Variants in MYT1L observed in about 807,000 individuals in gnomAD.
MYT1L encodes the protein myelin transcription factor 1 like.
Under a neutral mutation model 126.7 loss-of-function variants are expected in MYT1L, and 12 were observed. The observed-to-expected ratio is 0.09, with a 90% CI of 0.06 to 0.15. The LOEUF is 0.15. Ranked by LOEUF, MYT1L falls within the 10% of genes least tolerant of loss-of-function variation. MYT1L has a pLI of 1.00. For missense variants in MYT1L, 979 were observed against 1,585.2 expected (o/e 0.62, Z 6.49); for synonymous variants, 541 against 604.2 (o/e 0.90, Z 1.53).
At chr2:2,276,031 T>C (rs2095353422) in intron 2 of MYT1L, among the ~76,000 whole-genome samples, 1 of 152,194 alleles carries the variant, frequency 6.6e-6, no homozygotes, top group Non-Finnish European at 1.5e-5. Context: ...GTTGTGTTTT[T>C]TTATTCATCT....
intron 4 of MYT1L, among the ~76,000 whole-genome samples, chr2:2,048,917 C>A (rs141409791): frequency 1.3e-5 from 2 of 152,166 alleles, no homozygotes; most frequent in South Asian, 4.1e-4. Flanking sequence ...TTTGATAACA[C>A]AAGTCATGAG....
chr2:2,004,551 T>C (rs549170546), intron 4 of MYT1L, among the ~76,000 whole-genome samples: 2 of 151,106 alleles, frequency 1.3e-5, no homozygotes, highest in South Asian at 2.1e-4. Context: ...GCATGCGTTC[T>C]TTCCTGCGTG....
intron 2 of MYT1L, among the ~76,000 whole-genome samples, chr2:2,262,744 T>A (rs982456986): frequency 6.6e-6 from 1 of 150,832 alleles, no homozygotes; most frequent in Admixed American, 6.6e-5. Context: ...CTGACCTGTC[T>A]TTGCAGCTGG....
chr2:2,154,670 C>T (rs1019391647), intron 3 of MYT1L, among the ~76,000 whole-genome samples: 22 of 152,094 alleles, frequency 1.4e-4, no homozygotes, highest in African/African-American at 4.8e-4. Flanking sequence ...GACACTGAGG[C>T]CTTCTTGAGG....
At chr2:2,099,738 G>A (rs1447901362) in intron 3 of MYT1L, among the ~76,000 whole-genome samples, 1 of 152,226 alleles carries the variant, frequency 6.6e-6, no homozygotes, top group Non-Finnish European at 1.5e-5. Flanking sequence ...ATACCGTGAA[G>A]ACGTGAAAAG....
chr2:2,004,787 CTTTCCTGCATGT>C (rs2062998803), intron 4 of MYT1L, among the ~76,000 whole-genome samples: 1 of 83,524 alleles, frequency 1.2e-5, no homozygotes, highest in African/African-American at 8.1e-5. Flanking sequence ...TGCAGGCATT[CTTTCCTGCATGT>C]GTTCTTTCCT....
At chr2:2,313,913 T>G in intron 1 of MYT1L, among the ~76,000 whole-genome samples, 1 of 152,218 alleles carries the variant, frequency 6.6e-6, no homozygotes, top group Non-Finnish European at 1.5e-5. Context: ...GAGACCATTA[T>G]ATGTTTATTT....
chr2:2,046,102 C>A (rs1471885011), intron 4 of MYT1L, among the ~76,000 whole-genome samples: 1 of 152,210 alleles, frequency 6.6e-6, no homozygotes, highest in Non-Finnish European at 1.5e-5. Context: ...ATGCATGGCA[C>A]AGCATTCTTA....
chr2:1,864,849 G>A (rs943536075), intron 18 of MYT1L, among the ~76,000 whole-genome samples: 13 of 152,224 alleles, frequency 8.5e-5, no homozygotes, highest in African/African-American at 3.1e-4. Flanking sequence ...GGCTCGCAGA[G>A]CTGGTGAAGG....
intron 2 of MYT1L, among the ~76,000 whole-genome samples, chr2:2,244,560 G>A (rs563022825): frequency 3.3e-5 from 5 of 152,198 alleles, no homozygotes; most frequent in South Asian, 2.1e-4. Flanking sequence ...TATCGGTGAT[G>A]AGGCTTGAAG....
chr2:2,161,084 G>A (rs2087823597), intron 3 of MYT1L, among the ~76,000 whole-genome samples: 1 of 152,104 alleles, frequency 6.6e-6, no homozygotes, highest in African/African-American at 2.4e-5. Context: ...AGCCAGGCAT[G>A]GTGGTGCGTT....
intron 21 of MYT1L, among the ~76,000 whole-genome samples, chr2:1,818,238 T>C (rs889635077): frequency 4.0e-5 from 6 of 151,468 alleles, no homozygotes; most frequent in Admixed American, 3.9e-4. Context: ...GAGGTGGGAG[T>C]GTGTGTAGAA....
intron 1 of MYT1L, among the ~76,000 whole-genome samples, chr2:2,327,357 A>G (rs2096255402): frequency 6.6e-6 from 1 of 152,206 alleles, no homozygotes; most frequent in Admixed American, 6.5e-5. Context: ...GTTGTGGTAC[A>G]GAATACAGTA....
At chr2:2,084,004 C>G (rs1190534843) in intron 3 of MYT1L, among the ~76,000 whole-genome samples, 4 of 124,556 alleles carry the variant, frequency 3.2e-5, no homozygotes, top group African/African-American at 1.2e-4. Context: ...TGTGCTGATG[C>G]CTTCCTATAT....
intron 9 of MYT1L, among the ~76,000 whole-genome samples, chr2:1,928,541 C>A (rs939271057): frequency 1.3e-5 from 2 of 152,002 alleles, no homozygotes; most frequent in African/African-American, 4.8e-5. Context: ...CACCCCAGGG[C>A]CTCCCAGGAG....
intron 14 of MYT1L, among the ~76,000 whole-genome samples, 191 bp from the exon 15 acceptor site, chr2:1,892,478 TTTCTTTTTTC>T (rs1416630463): frequency 1.3e-4 from 19 of 151,702 alleles, no homozygotes; most frequent in Admixed American, 1.1e-3. Flanking sequence ...TTCCGGCTCC[TTTCTTTTTTC>T]TTCTTTTTTC....
At chr2:2,026,397 C>A (rs1037180182) in intron 4 of MYT1L, among the ~76,000 whole-genome samples, 27 of 152,130 alleles carry the variant, frequency 1.8e-4, no homozygotes, top group Admixed American at 1.4e-3. Context: ...GTCTGGGTTG[C>A]GAGCTGTGGA....
intron 3 of MYT1L, among the ~76,000 whole-genome samples, chr2:2,067,881 C>T (rs977624440): frequency 1.3e-5 from 2 of 151,844 alleles, no homozygotes; most frequent in Admixed American, 6.6e-5. Context: ...AAGCATTTCA[C>T]AAGCGGGAAC....
Position 1,912,761 on chromosome 2 carries a change from G to A in MYT1L, c.1619-651C>T, listed in dbSNP as rs2052227493. On this transcript the variant is annotated intron_variant, in intron 11 of 24. Coordinates refer to ENST00000647738, the MANE Select transcript of MYT1L (RefSeq NM_001303052.2). This position sits in a 1 kb window ranked among gnomAD's most constrained non-coding sequence, Gnocchi z 4.3. ...CCTGTGAAATTAACAAGCGGGAGAGGCCTCTTGCATGGACACCTTTTGTGG... is the reference window on the plus strand; with the variant it reads ...CCTGTGAAATTAACAAGCGGGAGAGACCTCTTGCATGGACACCTTTTGTGG... Among the ~76,000 whole-genome samples the A allele has an allele frequency of 1.4e-5, 2 of 141,230 alleles. No homozygotes were observed. The highest frequency in any genetic ancestry group is 4.2e-4 in the South Asian group (2 of 4,718). The allele number at this position is 141,230 out of a possible 152,430, so 92.7% of individuals were successfully genotyped here. A position where few individuals can be genotyped will look rare whatever the true frequency, so the allele number is the denominator to read the frequency against.
Sources: gnomAD v4.1 joint callset for allele counts (sites outside exome capture counted in the v4.1 genomes callset) on GRCh38, gnomAD v4.1.1 for gene constraint, Gnocchi (gnomAD v3.1) non-coding constraint, MANE v1.5 for transcripts, NCBI Gene and HGNC (gene_info 2026-07-23, HGNC 2026-07-21) for gene names.